IMMP2L: variants seen among roughly 807,000 people sequenced by gnomAD.
IMMP2L encodes the protein mitochondrial inner membrane protease subunit 2.
IMMP2L carries 18 observed loss-of-function variants against 19.3 expected under a neutral mutation model. That is an observed-to-expected ratio of 0.93 (90% CI 0.64 to 1.38). The LOEUF (loss-of-function observed/expected upper bound fraction) is 1.38, where lower values mean the gene tolerates loss of function less well. Among genes scored for constraint, IMMP2L ranks in the 40% most tolerant of loss-of-function variants. The pLI is 0.00. For synonymous variants in IMMP2L, 76 were observed against 73.0 expected, an observed-to-expected ratio of 1.04 and a Z score of -0.21; for missense variants, 233 against 218.2, an observed-to-expected ratio of 1.07 and a Z score of -0.43.
chr7:111,433,483 T>C (rs1000345907), intron 3 of IMMP2L, among the ~76,000 whole-genome samples: 6 of 151,820 alleles, frequency 4.0e-5, no homozygotes, highest in Non-Finnish European at 8.8e-5. Context: ...TATCAAACCA[T>C]CAGATCCTGT....
rs1798122215 is a variant in IMMP2L at position 110,757,811 on chromosome 7, C to A, written c.409-94090G>T. ...TTTGTCAGCACTCTGACGGAAAAAA[C>A]CTCATTAGGAAGGCAGCACTGGAGT... On this transcript the variant is annotated intron_variant, in intron 5 of 5. Transcript: ENST00000405709. This position sits in a 1 kb window ranked among gnomAD's most constrained non-coding sequence, Gnocchi z 4.2. 6.6e-6 allele frequency among the ~76,000 whole-genome samples: 1 copy of A among 152,170 alleles called. No individual in the cohort carries two copies. The highest frequency in any genetic ancestry group is 1.5e-5 in the Non-Finnish European group (1 of 67,998).
intron 3 of IMMP2L, among the ~76,000 whole-genome samples, chr7:111,126,658 T>C (rs1257448048): frequency 6.6e-6 from 1 of 151,958 alleles, no homozygotes; most frequent in African/African-American, 2.4e-5. Flanking sequence ...CGGATTTCAC[T>C]TAAAAAAAAA....
At chr7:111,460,896 G>T (rs886469355) in intron 3 of IMMP2L, among the ~76,000 whole-genome samples, 6 of 151,976 alleles carry the variant, frequency 3.9e-5, no homozygotes, top group Admixed American at 3.9e-4. Flanking sequence ...TCATTATTCA[G>T]CATTTTAGTA....
At chr7:111,499,725 T>G (rs1843968602) in intron 2 of IMMP2L, among the ~76,000 whole-genome samples, 1 of 152,166 alleles carries the variant, frequency 6.6e-6, no homozygotes, top group South Asian at 2.1e-4. Flanking sequence ...TAATTAAGAT[T>G]CTTTTCTGTT....
rs1484668343 is a variant in IMMP2L, at chr7:111,123,593, G to A, written c.240-160028C>T. 1.2e-6 allele frequency: 2 copies of A among 1,612,940 alleles called. No homozygotes were observed. Among genetic ancestry groups the A allele is most frequent in the East Asian group, 4.5e-5 (2 of 44,826 alleles). On this transcript the variant is annotated intron_variant, in intron 3 of 5. Coordinates refer to ENST00000405709, the MANE Select transcript of IMMP2L (RefSeq NM_032549.4). This position sits in a 1 kb window ranked among gnomAD's most constrained non-coding sequence, Gnocchi z 6.4. ...GATCTAAATAAAAATCCTATTAATA[G>A]AATACGAAGGGGTGATTTTAGCAAT... is the stretch of plus-strand genomic sequence containing the variant.
intron 2 of IMMP2L, among the ~76,000 whole-genome samples, chr7:111,493,795 C>T (rs999145033): frequency 6.6e-6 from 1 of 150,994 alleles, no homozygotes; most frequent in Admixed American, 6.6e-5. Context: ...ATCATGAGGT[C>T]AGGAGATCGA....
chr7:111,194,332 C>T (rs966302972), intron 3 of IMMP2L, among the ~76,000 whole-genome samples: 2 of 152,140 alleles, frequency 1.3e-5, no homozygotes, highest in African/African-American at 2.4e-5. Flanking sequence ...ACTTAATATT[C>T]AATCTACCTA....
In IMMP2L at chr7:110,902,164, CAA is replaced by C. The variant is rs372995475; in HGVS notation, c.306-15471_306-15470del. On this transcript the variant is annotated intron_variant, in intron 4 of 5. Transcript: ENST00000405709. ...AGGGGGATTAAAATTTTAAGTATGA[CAA>C]AGCTTCTGACCTCAAAAACCTTATG... 4.9e-3 allele frequency among the ~76,000 whole-genome samples: 751 copies of C among 151,724 alleles called. 7 individuals carry two copies. Among genetic ancestry groups the C allele is most frequent in the African/African-American group, 0.017 (723 of 41,418 alleles).
chr7:111,422,769 TGA>T (rs1355818446), intron 3 of IMMP2L, among the ~76,000 whole-genome samples: 1 of 151,888 alleles, frequency 6.6e-6, no homozygotes, highest in East Asian at 1.9e-4. Context: ...ATAGGAGTGG[TGA>T]GAGAGGGCAT....
At chr7:111,504,817 T>C (rs1434164384) in intron 2 of IMMP2L, among the ~76,000 whole-genome samples, 2 of 151,954 alleles carry the variant, frequency 1.3e-5, no homozygotes, top group Non-Finnish European at 2.9e-5. Context: ...ATACAAAAAT[T>C]AATTCAAGAT....
intron 5 of IMMP2L, among the ~76,000 whole-genome samples, chr7:110,717,857 C>A (rs535102259): frequency 8.6e-5 from 13 of 152,040 alleles, no homozygotes; most frequent in Non-Finnish European, 1.9e-4. Flanking sequence ...AAAATACTGT[C>A]AAAGAGCAGG....
At chr7:111,324,897 C>T (rs768741415) in intron 3 of IMMP2L, among the ~76,000 whole-genome samples, 2 of 151,854 alleles carry the variant, frequency 1.3e-5, no homozygotes, top group Non-Finnish European at 2.9e-5. Context: ...GGTTGCTTCA[C>T]AATCTGTTAA....
At chr7:110,702,338 T>C (rs572931480) in intron 5 of IMMP2L, among the ~76,000 whole-genome samples, 2 of 152,282 alleles carry the variant, frequency 1.3e-5, no homozygotes, top group African/African-American at 2.4e-5. Context: ...CTTTAATGTA[T>C]ATACATATAC....
intron 5 of IMMP2L, among the ~76,000 whole-genome samples, chr7:110,715,298 C>T (rs556084975): frequency 6.6e-6 from 1 of 151,938 alleles, no homozygotes; most frequent in Non-Finnish European, 1.5e-5. Context: ...TATTTCTTTT[C>T]TTTTGCTAGC....
chr7:111,486,434 T>C (rs899426043), intron 3 of IMMP2L, among the ~76,000 whole-genome samples: 1 of 152,174 alleles, frequency 6.6e-6, no homozygotes, highest in Non-Finnish European at 1.5e-5. Context: ...AGCAGGTTTT[T>C]ACTGTCTCCA....
At chr7:110,808,853 C>G (rs1034611549) in intron 5 of IMMP2L, among the ~76,000 whole-genome samples, 2 of 151,888 alleles carry the variant, frequency 1.3e-5, no homozygotes, top group South Asian at 2.1e-4. Context: ...TTCGTCAAAG[C>G]AACAATATAA....
chr7:111,351,481 A>C (rs2130889462), intron 3 of IMMP2L, among the ~76,000 whole-genome samples: 1 of 152,102 alleles, frequency 6.6e-6, no homozygotes, highest in African/African-American at 2.4e-5. Flanking sequence ...GAGCCACCGC[A>C]CCCGGCCCAT....
chr7:111,144,723 C>G (rs148724361), intron 3 of IMMP2L, among the ~76,000 whole-genome samples: 84 of 152,206 alleles, frequency 5.5e-4, no homozygotes, highest in Admixed American at 4.4e-3. Flanking sequence ...ATACCTCCCA[C>G]AAGCAAATGA....
At chr7:111,422,362 T>A (rs1021710687) in intron 3 of IMMP2L, among the ~76,000 whole-genome samples, 5 of 151,886 alleles carry the variant, frequency 3.3e-5, no homozygotes, top group Non-Finnish European at 7.3e-5. Context: ...GAGCAAGGGA[T>A]ATTCTTCCAC....
Sources: gnomAD v4.1 joint callset for allele counts (sites outside exome capture counted in the v4.1 genomes callset) on GRCh38, gnomAD v4.1.1 for gene constraint, Gnocchi (gnomAD v3.1) non-coding constraint, MANE v1.5 for transcripts, NCBI Gene and HGNC (gene_info 2026-07-23, HGNC 2026-07-21) for gene names.